The following SLC44A1 variants were observed in gnomAD, a reference collection of about 807,000 sequenced individuals.
SLC44A1 encodes choline transporter-like protein 1.
SLC44A1 carries 26 observed loss-of-function variants against 79.3 expected under a neutral mutation model. The ratio of observed to expected loss-of-function variants is 0.33; its 90% CI spans 0.24 to 0.46. SLC44A1 has a LOEUF of 0.46. Ranked by LOEUF, SLC44A1 falls within the 20% of genes least tolerant of loss-of-function variation. The probability of loss-of-function intolerance (pLI) is 1.00; values close to 1 mark genes in which losing one functional copy is unlikely to be tolerated. For missense variants in SLC44A1, 688 were observed against 798.1 expected (o/e 0.86, Z 1.66); for synonymous variants, 263 against 286.2 (o/e 0.92, Z 0.82).
intron 15 of SLC44A1, among the ~76,000 whole-genome samples, chr9:105,421,777 C>T (rs540125030): frequency 2.0e-5 from 3 of 151,838 alleles, no homozygotes; most frequent in Non-Finnish European, 4.4e-5. Flanking sequence ...TTAGTAGAGG[C>T]GGGGTTTCAC....
At chr9:105,351,952 A>G (rs1827461762) in intron 5 of SLC44A1, among the ~76,000 whole-genome samples, 1 of 152,308 alleles carries the variant, frequency 6.6e-6, no homozygotes, top group Non-Finnish European at 1.5e-5. Context: ...GTGTTCAACA[A>G]CAACAAAGAG....
At chr9:105,409,717 G>A (rs1054279143) in intron 15 of SLC44A1, among the ~76,000 whole-genome samples, 7 of 152,076 alleles carry the variant, frequency 4.6e-5, no homozygotes, top group African/African-American at 1.2e-4. Flanking sequence ...CACAGTACAC[G>A]AAACAGAAAC....
chr9:105,268,777 C>T (rs542555502), intron 1 of SLC44A1, among the ~76,000 whole-genome samples: 14 of 152,122 alleles, frequency 9.2e-5, no homozygotes, highest in Non-Finnish European at 1.8e-4. Context: ...GGATTACAGG[C>T]GGGTGCCACC....
chr9:105,400,909 G>A (rs891459072), downstream of SLC44A1, among the ~76,000 whole-genome samples: 4 of 151,990 alleles, frequency 2.6e-5, no homozygotes, highest in East Asian at 1.9e-4. Flanking sequence ...ATCAATATAC[G>A]TAATATTTAA....
At chr9:105,255,093 G>GTTTTTTT (rs1168193382) in intron 1 of SLC44A1, among the ~76,000 whole-genome samples, 4 of 141,812 alleles carry the variant, frequency 2.8e-5, no homozygotes, top group African/African-American at 1.1e-4. Flanking sequence ...TTACTTTCAG[G>GTTTTTTT]TTTTTTTGTT....
Position 105,389,188 on chromosome 9 carries a change from C to G in SLC44A1, c.*132C>G. ...ATATATGTATATGTATATACACACA[C>G]ACACATAAATCAGCCAAAATCAGAG... is the stretch of plus-strand genomic sequence containing the variant. On this transcript the variant is annotated 3_prime_UTR_variant, in exon 16 of 16. Coordinates refer to ENST00000374720, the MANE Select transcript of SLC44A1 (RefSeq NM_080546.5). 1 of 1,377,432 alleles carries G rather than the reference C, an allele frequency of 7.3e-7. No individual in the cohort carries two copies. The highest frequency in any genetic ancestry group is 9.5e-7 in the Non-Finnish European group (1 of 1,053,452). 85.3% of individuals were successfully genotyped at this position (1,377,432 alleles called of 1,614,324 possible).
downstream of SLC44A1, among the ~76,000 whole-genome samples, chr9:105,398,166 A>G (rs563593076): frequency 1.3e-5 from 2 of 152,330 alleles, no homozygotes; most frequent in African/African-American, 4.8e-5. Flanking sequence ...TTAAAAACCA[A>G]TAATTTTAGG....
chr9:105,342,120 CACAT>C lies in SLC44A1; in HGVS notation c.407-6235_407-6232del, dbSNP rs1478435688. Among the ~76,000 whole-genome samples, 3 of 152,308 alleles carry C rather than the reference CACAT, an allele frequency of 2.0e-5. No individual in the cohort carries two copies. The East Asian group carries it at 5.8e-4, about 29-fold the overall frequency. On this transcript the variant is annotated intron_variant, in intron 4 of 15. Coordinates refer to ENST00000374720, the MANE Select transcript of SLC44A1 (RefSeq NM_080546.5). ...TAATTATTTTTGAAAATTCAAATAA[CACAT>C]ACGGTAGTTCTCCCTTATCCATAGT... is the stretch of plus-strand genomic sequence containing the variant.
Position 105,362,970 on chromosome 9 carries a change from G to T in SLC44A1, c.1050G>T (p.Val350=). ...TCTTTGCTCTTGTCTTGTTTTGGGT[G>T]TACTGGATCATGACACTTCTTTTTC... The part of the protein sequence containing the change: ...WTFFALVLFW[V]YWIMTLLFLG... Residue 350 remains valine, a synonymous_variant, in exon 9 of 16, where the codon GTG becomes GTT. Transcript: ENST00000374720. 6.2e-7 allele frequency: 1 copy of T among 1,612,386 alleles called. No homozygotes were observed. Among genetic ancestry groups the T allele is most frequent in the Non-Finnish European group, 8.5e-7 (1 of 1,179,412 alleles).
chr9:105,250,378 C>T lies in SLC44A1; in HGVS notation c.36+5474C>T, dbSNP rs534485006. On this transcript the variant is annotated intron_variant, in intron 1 of 15. Coordinates refer to ENST00000374720, the MANE Select transcript of SLC44A1 (RefSeq NM_080546.5). ...TATCAAATACTATTTGATGTGTTAACAGTACAGTCATTTAAAAATGTTATT... is the reference window on the plus strand; with the variant it reads ...TATCAAATACTATTTGATGTGTTAATAGTACAGTCATTTAAAAATGTTATT... Among the ~76,000 whole-genome samples the T allele has an allele frequency of 3.3e-5, 5 of 152,196 alleles. No homozygotes were observed. In the East Asian group the frequency reaches 9.7e-4, roughly 29 times the overall value.
chr9:105,286,058 G>A lies in SLC44A1; in HGVS notation c.37-13162G>A, dbSNP rs376189829. ...GGAGGTTGCGGTGAGCCGAGATTGCGCCACTGCACTCCAGCCTGGGCGACA... is the reference window on the plus strand; with the variant it reads ...GGAGGTTGCGGTGAGCCGAGATTGCACCACTGCACTCCAGCCTGGGCGACA... On this transcript the variant is annotated intron_variant, in intron 1 of 15. Transcript: ENST00000374720. Among the ~76,000 whole-genome samples, 29 of 152,244 alleles carry A rather than the reference G, an allele frequency of 1.9e-4. No homozygotes were observed. The South Asian group carries it at 4.6e-3, about 24-fold the overall frequency.
chr9:105,312,818 T>C (rs1357806501), intron 3 of SLC44A1, among the ~76,000 whole-genome samples: 1 of 152,172 alleles, frequency 6.6e-6, no homozygotes, highest in Non-Finnish European at 1.5e-5. Context: ...ACTGTTGTGC[T>C]AGCGTATCTA....
chr9:105,262,129 A>G (rs1829856815), intron 1 of SLC44A1, among the ~76,000 whole-genome samples: 1 of 152,156 alleles, frequency 6.6e-6, no homozygotes, highest in African/African-American at 2.4e-5. Context: ...TACAAGGTGT[A>G]AAACACTGAT....
chr9:105,437,195 A>G (rs1203711703), intron 15 of SLC44A1, among the ~76,000 whole-genome samples: 1 of 152,184 alleles, frequency 6.6e-6, no homozygotes, highest in African/African-American at 2.4e-5. Flanking sequence ...ACCATGCTAC[A>G]TATTGTTACA....
chr9:105,273,901 C>T (rs1325139610), intron 1 of SLC44A1, among the ~76,000 whole-genome samples: 1 of 152,088 alleles, frequency 6.6e-6, no homozygotes, highest in Non-Finnish European at 1.5e-5. Context: ...TTCTAAGTTG[C>T]AAGGAATCTT....
chr9:105,305,292 C>G lies in SLC44A1; in HGVS notation c.127-4432C>G, dbSNP rs534581696. On this transcript the variant is annotated intron_variant, in intron 2 of 15. Transcript: ENST00000374720. ...GCCTCATTCTTTTTTTTTCCTTCTT[C>G]TTTCCTCATTCTTAGAGAGAGGCAT... Among the ~76,000 whole-genome samples, 4 of 151,574 alleles carry G rather than the reference C, an allele frequency of 2.6e-5. No individual in the cohort carries two copies. In the South Asian group the frequency reaches 6.3e-4, roughly 24 times the overall value.
intron 1 of SLC44A1, among the ~76,000 whole-genome samples, chr9:105,277,638 A>G (rs1830239430): frequency 6.6e-6 from 1 of 152,202 alleles, no homozygotes; most frequent in Non-Finnish European, 1.5e-5. Context: ...TAAACAACCC[A>G]TGTTTGCAAA....
chr9:105,364,032 A>G (rs1020962242), intron 9 of SLC44A1, among the ~76,000 whole-genome samples: 1 of 152,194 alleles, frequency 6.6e-6, no homozygotes, highest in Non-Finnish European at 1.5e-5. Flanking sequence ...AACTGATGAT[A>G]TAGTTCATAG....
At chr9:105,345,346 G>A (rs1827216650) in intron 4 of SLC44A1, among the ~76,000 whole-genome samples, 1 of 152,164 alleles carries the variant, frequency 6.6e-6, no homozygotes, top group Non-Finnish European at 1.5e-5. Flanking sequence ...GGAACCATTA[G>A]CCAGGACAGA....
Sources: gnomAD v4.1 joint callset for allele counts (sites outside exome capture counted in the v4.1 genomes callset) on GRCh38, gnomAD v4.1.1 for gene constraint, MANE v1.5 for transcripts, NCBI Gene and HGNC (gene_info 2026-07-23, HGNC 2026-07-21) for gene names.